The following B3GNT4 variants were observed in gnomAD, a reference collection of about 807,000 sequenced individuals.
The protein encoded by B3GNT4 is UDP-GlcNAc:betaGal beta-1,3-N-acetylglucosaminyltransferase 4, also known as N-acetyllactosaminide beta-1,3-N-acetylglucosaminyltransferase 4.
B3GNT4 carries 2 observed loss-of-function variants against 2.7 expected under a neutral mutation model. The observed-to-expected ratio is 0.73, with a 90% CI of 0.30 to 2.31. The LOEUF (loss-of-function observed/expected upper bound fraction) is 2.31, where lower values mean the gene tolerates loss of function less well. B3GNT4 is among the 30% of genes most tolerant of loss of function. The pLI is 0.12. For synonymous variants in B3GNT4, 280 were observed against 203.4 expected (o/e 1.38, Z -3.20); for missense variants, 708 against 490.9 (o/e 1.44, Z -4.18).
At position 122,206,908 on chromosome 12, in the gene B3GNT4, C is replaced by T. The variant is rs373879514; in HGVS notation, c.657C>T (p.Asp219=). 52 of 1,613,942 alleles carry T rather than the reference C, an allele frequency of 3.2e-5. No homozygotes were observed. The highest frequency in any genetic ancestry group is 1.6e-4 in the Middle Eastern group (1 of 6,084). The part of the protein sequence containing the change: ...PQAHFMLKGD[D]DVFVHVPNVL... ...CCCATTTCATGCTAAAGGGAGATGA[C>T]GATGTCTTTGTCCACGTCCCCAACG... The change falls in exon 3 of 3, where the codon GAC becomes GAT. Residue 219 remains aspartate, a synonymous_variant. Coordinates refer to ENST00000324189, the MANE Select transcript of B3GNT4 (RefSeq NM_030765.4).
rs148963980 is a variant in B3GNT4 at position 122,207,408 on chromosome 12, C to T, written c.*20C>T. On this transcript the variant is annotated 3_prime_UTR_variant, in exon 3 of 3. Coordinates refer to ENST00000324189, the MANE Select transcript of B3GNT4 (RefSeq NM_030765.4). Reference sequence around the variant, plus strand: ...CGCTGAAGGGTGGGTTGGGCAACAGCCTGAGAGTGGACTCAGTGTTGATTC... The same window carrying T: ...CGCTGAAGGGTGGGTTGGGCAACAGTCTGAGAGTGGACTCAGTGTTGATTC... The T allele has an allele frequency of 9.2e-3, 13,921 of 1,518,922 alleles. 199 individuals are homozygous for T. The highest frequency in any genetic ancestry group is 0.053 in the South Asian group (4,029 of 76,142). The allele number at this position is 1,518,922 out of a possible 1,614,324, so 94.1% of individuals were successfully genotyped here.
chr12:122,207,686 T>TC lies in B3GNT4; in HGVS notation c.*299dup, dbSNP rs1053358023. 5 of 604,074 alleles carry TC rather than the reference T, an allele frequency of 8.3e-6. No homozygotes were observed. In the African/African-American group the frequency reaches 9.1e-5, roughly 11 times the overall value. 37.4% of individuals were successfully genotyped at this position (604,074 alleles called of 1,614,324 possible). ...ATAGGACCCCAGGAGAGACGCATTT[T>TC]CTCTTTCAGATGCAAACAAAATCTT... is the stretch of plus-strand genomic sequence containing the variant. On this transcript the variant is annotated 3_prime_UTR_variant, in exon 3 of 3. Transcript: ENST00000324189.
chr12:122,207,384 G>T lies in B3GNT4; in HGVS notation c.1133G>T (p.Arg378Leu). Residue 378 changes from arginine (R) to leucine (L), a missense_variant, in exon 3 of 3, where the codon CGC (arginine) becomes CTC (leucine). Coordinates refer to ENST00000324189, the MANE Select transcript of B3GNT4 (RefSeq NM_030765.4). ...LKCAAGPIPQ[R>L] is the part of the protein sequence containing the mutation. ...TGTGCAGCTGGCCCCATACCCCAGCGCTGAAGGGTGGGTTGGGCAACAGCC... is the reference window on the plus strand; with the variant it reads ...TGTGCAGCTGGCCCCATACCCCAGCTCTGAAGGGTGGGTTGGGCAACAGCC... The T allele has an allele frequency of 6.5e-7, 1 of 1,544,342 alleles. No homozygotes were observed.
Position 122,208,416 on chromosome 12 carries a change from C to A in B3GNT4, c.*1028C>A, listed in dbSNP as rs1416489769. 12 of 1,613,270 alleles carry A rather than the reference C, an allele frequency of 7.4e-6. No homozygotes were observed. Among genetic ancestry groups the A allele is most frequent in the Non-Finnish European group, 9.3e-6 (11 of 1,180,048 alleles). On this transcript the variant is annotated 3_prime_UTR_variant, in exon 3 of 3. Coordinates refer to ENST00000324189, the MANE Select transcript of B3GNT4 (RefSeq NM_030765.4). ...CGCAGGTAGGCCTCCTGCTCCGACT[C>A]AGCCCGCTCCTCCCCTTCCTCCTGT...
At position 122,206,491 on chromosome 12, in the gene B3GNT4, C is replaced by T; in HGVS notation, c.240C>T (p.His80=). ...TPRHSRCPPN[H]TVSSASLSLP... Reference sequence around the variant, plus strand: ...GTCACAGCCGGTGTCCACCCAACCACACAGTGTCTAGCGCCTCTCTGTCCC... The same window carrying T: ...GTCACAGCCGGTGTCCACCCAACCATACAGTGTCTAGCGCCTCTCTGTCCC... Residue 80 remains histidine (H), a synonymous_variant, in exon 3 of 3, where the codon CAC becomes CAT. Transcript: ENST00000324189. 6.2e-7 allele frequency: 1 copy of T among 1,614,210 alleles called. No homozygotes were observed. The highest frequency in any genetic ancestry group is 8.5e-7 in the Non-Finnish European group (1 of 1,180,032).
chr12:122,203,779 CCGTACCCCGGCGTCACGCT>C lies in B3GNT4; in HGVS notation c.-118_-100del, dbSNP rs1953877884. 5.0e-6 allele frequency: 1 copy of C among 200,008 alleles called. No homozygotes were observed. Among genetic ancestry groups the C allele is most frequent in the East Asian group, 1.1e-4 (1 of 9,404 alleles). The allele number at this position is 200,008 out of a possible 1,614,324, so 12.4% of individuals were successfully genotyped here. On this transcript the variant is annotated 5_prime_UTR_variant, in exon 1 of 3. Coordinates refer to ENST00000324189, the MANE Select transcript of B3GNT4 (RefSeq NM_030765.4). ...TGGCTCCGCTGCACGAGCTCCACGC[CCGTACCCCGGCGTCACGCT>C]CAGGTAGGTTGGGGGCCGGGACGCC...
chr12:122,203,709 A>G lies in B3GNT4; in HGVS notation c.-190A>G, dbSNP rs61955587. 0.081 allele frequency: 17,809 copies of G among 220,544 alleles called. 610 individuals are homozygous for G. The highest frequency in any genetic ancestry group is 0.18 in the African/African-American group (4,176 of 23,236). The allele number at this position is 220,544 out of a possible 1,614,324, so 13.7% of individuals were successfully genotyped here. On this transcript the variant is annotated 5_prime_UTR_variant, in exon 1 of 3. Transcript: ENST00000324189. ...CCCACCTCCTCCAGAAGCCCCGCCCACTCCCGAGCCCCGAGAGCTCCGCGC... is the reference window on the plus strand; with the variant it reads ...CCCACCTCCTCCAGAAGCCCCGCCCGCTCCCGAGCCCCGAGAGCTCCGCGC...
intron 2 of B3GNT4, 101 bp from the exon 3 acceptor site, chr12:122,206,217 C>A (rs981997418): frequency 2.1e-6 from 2 of 944,700 alleles, no homozygotes; most frequent in Non-Finnish European, 3.1e-6. Context: ...AGTCCAGAGG[C>A]CAGCAGGGAC....
chr12:122,206,850 T>A lies in B3GNT4; in HGVS notation c.599T>A (p.Leu200Gln). Residue 200 changes from leucine (L) to glutamine (Q), a missense_variant, in exon 3 of 3, where the codon CTG becomes CAG. By Grantham distance (113) the Leu-to-Gln change is moderately radical (BLOSUM62 -2). Coordinates refer to ENST00000324189, the MANE Select transcript of B3GNT4 (RefSeq NM_030765.4). Reference sequence around the variant, plus strand: ...AACCTGACGCTCAAGGAGCTGCACCTGCAGCGCTGGGTGGTGGCTGCCTGC... The same window carrying A: ...AACCTGACGCTCAAGGAGCTGCACCAGCAGCGCTGGGTGGTGGCTGCCTGC... ...FFNLTLKELH[L>Q]QRWVVAACPQ... is the part of the protein sequence containing the mutation. 1 of 1,613,764 alleles carries A rather than the reference T, an allele frequency of 6.2e-7. No homozygotes were observed. The highest frequency in any genetic ancestry group is 8.5e-7 in the Non-Finnish European group (1 of 1,179,976).
In B3GNT4 at chr12:122,208,452, G is replaced by A. The variant is rs773655643; in HGVS notation, c.*1064G>A. 8.1e-6 allele frequency: 13 copies of A among 1,613,930 alleles called. No homozygotes were observed. The highest frequency in any genetic ancestry group is 2.2e-5 in the East Asian group (1 of 44,892). Reference sequence around the variant, plus strand: ...TCCCCTTCCTCCTGTGTTTTCTGACGGAGCTCTTCTATCTGTGCTTCTGCC... The same window carrying A: ...TCCCCTTCCTCCTGTGTTTTCTGACAGAGCTCTTCTATCTGTGCTTCTGCC... On this transcript the variant is annotated 3_prime_UTR_variant, in exon 3 of 3. Coordinates refer to ENST00000324189, the MANE Select transcript of B3GNT4 (RefSeq NM_030765.4).
intron 2 of B3GNT4, 110 bp downstream of exon 2, chr12:122,204,794 C>A: frequency 1.1e-6 from 1 of 923,430 alleles, no homozygotes; most frequent in Non-Finnish European, 1.7e-6. Context: ...AGTCCCAACG[C>A]TTTGGGAGGC....
rs774223705 is a variant in B3GNT4, at chr12:122,206,564, T to A, written c.313T>A (p.Phe105Ile). 9 of 1,614,174 alleles carry A rather than the reference T, an allele frequency of 5.6e-6. No homozygotes were observed. In the South Asian group the frequency reaches 8.8e-5, roughly 16 times the overall value. ...LFLTYRHCRN[F>I]SILLEPSGCS... The stretch of plus-strand genomic sequence containing the variant: ...CTTGACCTATCGTCACTGCCGAAAT[T>A]TCTCTATCTTGCTGGAGCCTTCAGG... The change falls in exon 3 of 3, where the codon TTC becomes ATC. Residue 105 changes from phenylalanine to isoleucine, a missense_variant. By Grantham distance (21) the Phe-to-Ile change is conservative. Transcript: ENST00000324189.
At chr12:122,206,206 A>G (rs1593159928) in intron 2 of B3GNT4, 112 bp from the exon 3 acceptor site, 9 of 836,734 alleles carry the variant, frequency 1.1e-5, no homozygotes, top group Admixed American at 2.7e-5. Context: ...TGAGAATAAA[A>G]AGTCCAGAGG....
At chr12:122,203,917 G>A (rs1953881032) in intron 1 of B3GNT4, 116 bp downstream of exon 1, 1 of 152,118 alleles carries the variant, frequency 6.6e-6, no homozygotes, top group Non-Finnish European at 1.5e-5. Flanking sequence ...CGGTCCCCCA[G>A]GGTCCCCGCG....
Position 122,208,064 on chromosome 12 carries a change from A to T in B3GNT4, c.*676A>T. The T allele has an allele frequency of 1.7e-6, 1 of 581,444 alleles. No individual in the cohort carries two copies. Among genetic ancestry groups the T allele is most frequent in the Non-Finnish European group, 3.2e-6 (1 of 309,742 alleles). The allele number at this position is 581,444 out of a possible 1,614,324, so 36.0% of individuals were successfully genotyped here. On this transcript the variant is annotated 3_prime_UTR_variant, in exon 3 of 3. Transcript: ENST00000324189. ...AACAGTTGCTGAACTTAAGGGCATG[A>T]CAAAAAGGACTCCTCTCTCTGACCC...
rs372233552 is a variant in B3GNT4 at position 122,206,656 on chromosome 12, G to A, written c.405G>A (p.Ala135=). 5.4e-5 allele frequency: 87 copies of A among 1,613,658 alleles called. 2 individuals carry two copies. The South Asian group carries it at 8.2e-4, about 15-fold the overall frequency. Residue 135 remains alanine, a synonymous_variant, in exon 3 of 3, where the codon GCG becomes GCA. Transcript: ENST00000324189. ...AGCCTGGTCACGTGGAGCGACGTGC[G>A]GCTATCCGCAGCACGTGGGGCAGGG... ...KSQPGHVERR[A]AIRSTWGRVG...
chr12:122,204,713 C>A lies in B3GNT4; in HGVS notation c.66+29C>A, dbSNP rs763678288. The A allele has an allele frequency of 3.9e-6, 6 of 1,550,572 alleles. No individual in the cohort carries two copies. In the Admixed American group the frequency reaches 5.1e-5, roughly 13 times the overall value. ...AGATTCTTTCACCGCCTCTGCCAGA[C>A]CCCCTTGTCCCCCACCCCCGCATAG... On this transcript the variant is annotated intron_variant, in intron 2 of 2. Coordinates refer to ENST00000324189, the MANE Select transcript of B3GNT4 (RefSeq NM_030765.4).
intron 2 of B3GNT4, 39 bp from the exon 3 acceptor site, chr12:122,206,279 C>G: frequency 6.7e-7 from 1 of 1,493,180 alleles, no homozygotes. Context: ...GGACAGGGAC[C>G]CGGGGCTGGG....
In B3GNT4 at chr12:122,203,799, C is replaced by T. The variant is rs1953878422; in HGVS notation, c.-100C>T. On this transcript the variant is annotated splice_region_variant and 5_prime_UTR_variant, in exon 1 of 3. Coordinates refer to ENST00000324189, the MANE Select transcript of B3GNT4 (RefSeq NM_030765.4). ...CACGCCCGTACCCCGGCGTCACGCT[C>T]AGGTAGGTTGGGGGCCGGGACGCCG... 5.6e-6 allele frequency: 1 copy of T among 179,902 alleles called. No homozygotes were observed. 11.1% of individuals were successfully genotyped at this position (179,902 alleles called of 1,614,324 possible). A position where few individuals can be genotyped will look rare whatever the true frequency, so the allele number is the denominator to read the frequency against.
Sources: allele counts gnomAD v4.1 joint callset, GRCh38; gene constraint gnomAD v4.1.1; transcripts MANE v1.5; gene names NCBI Gene and HGNC (gene_info 2026-07-23, HGNC 2026-07-21).